PAX7: variants seen among roughly 807,000 people sequenced by gnomAD.
PAX7 encodes paired box protein Pax-7.
A neutral mutation model predicts 50.7 loss-of-function variants in PAX7; 18 were observed. That is an observed-to-expected ratio of 0.36 (90% CI 0.25 to 0.53). The LOEUF (loss-of-function observed/expected upper bound fraction) is 0.53, where lower values mean the gene tolerates loss of function less well. Among genes scored for constraint, PAX7 ranks in the 20% least tolerant of loss-of-function variants. The pLI is 0.93. For synonymous variants in PAX7, 310 were observed against 290.4 expected (o/e 1.07, Z -0.69); for missense variants, 644 against 702.9 (o/e 0.92, Z 0.95).
At chr1:18,682,804 C>T (rs1468296658) in intron 4 of PAX7, among the ~76,000 whole-genome samples, 1 of 152,174 alleles carries the variant, frequency 6.6e-6, no homozygotes, top group East Asian at 1.9e-4. Flanking sequence ...TGCTGCCGGG[C>T]TGTGGGGGCG....
chr1:18,713,577 A>G (rs1310745013), intron 7 of PAX7, among the ~76,000 whole-genome samples: 3 of 152,238 alleles, frequency 2.0e-5, no homozygotes, highest in Admixed American at 2.0e-4. Flanking sequence ...GAGACTCAAG[A>G]AAGAAATATG....
In PAX7 at chr1:18,634,460, C is replaced by T. The variant is rs374125320; in HGVS notation, c.243C>T (p.Gly81=). The change falls in exon 2 of 9, where the codon GGC becomes GGT. Residue 81 remains glycine (G), a synonymous_variant. Coordinates refer to ENST00000420770, the MANE Select transcript of PAX7 (RefSeq NM_001135254.2). This position sits in a 1 kb window ranked among gnomAD's most constrained non-coding sequence, Gnocchi z 4.0. ...CCCGACAGCTGCGTGTCTCCCACGG[C>T]TGCGTCTCCAAGATTCTTTGCCGCT... ...VISRQLRVSH[G]CVSKILCRYQ... 1 of 1,614,088 alleles carries T rather than the reference C, an allele frequency of 6.2e-7. No homozygotes were observed. Among genetic ancestry groups the T allele is most frequent in the African/African-American group, 1.3e-5 (1 of 74,946 alleles).
At chr1:18,730,783 G>T (rs983750538) in intron 7 of PAX7, among the ~76,000 whole-genome samples, 1 of 152,022 alleles carries the variant, frequency 6.6e-6, no homozygotes, top group Non-Finnish European at 1.5e-5. Flanking sequence ...TGGAAGGGGG[G>T]CCCCCACCCC....
chr1:18,714,813 C>T (rs2089398609), intron 7 of PAX7, among the ~76,000 whole-genome samples: 1 of 152,190 alleles, frequency 6.6e-6, no homozygotes, highest in African/African-American at 2.4e-5. Flanking sequence ...CCTAGCAGGC[C>T]CGGGTTTAGC....
At position 18,747,360 on chromosome 1, in the gene PAX7, C is replaced by T. The variant is rs1931486025; in HGVS notation, c.*2431C>T. On this transcript the variant is annotated 3_prime_UTR_variant, in exon 9 of 9. Coordinates refer to ENST00000420770, the MANE Select transcript of PAX7 (RefSeq NM_001135254.2). ...TCATGACGTTGAACATAAGTTCTCC[C>T]AAGCCATCATCTTGGTAGAAAATGG... The T allele has an allele frequency of 8.7e-6, 2 of 228,726 alleles. No individual in the cohort carries two copies. The highest frequency in any genetic ancestry group is 5.7e-5 in the Admixed American group (1 of 17,608). 14.2% of individuals were successfully genotyped at this position (228,726 alleles called of 1,614,324 possible). A position where few individuals can be genotyped will look rare whatever the true frequency, so the allele number is the denominator to read the frequency against.
chr1:18,639,824 G>A (rs891268699), intron 4 of PAX7, among the ~76,000 whole-genome samples: 3 of 152,168 alleles, frequency 2.0e-5, no homozygotes, highest in African/African-American at 7.2e-5. Flanking sequence ...ATCTGACAGT[G>A]CACCAGTTTA....
In PAX7 at chr1:18,747,246, G is replaced by A. The variant is rs534045345; in HGVS notation, c.*2317G>A. 28 of 230,364 alleles carry A rather than the reference G, an allele frequency of 1.2e-4. No homozygotes were observed. The highest frequency in any genetic ancestry group is 1.8e-4 in the Non-Finnish European group (21 of 116,346). 14.3% of individuals were successfully genotyped at this position (230,364 alleles called of 1,614,324 possible). On this transcript the variant is annotated 3_prime_UTR_variant, in exon 9 of 9. Coordinates refer to ENST00000420770, the MANE Select transcript of PAX7 (RefSeq NM_001135254.2). ...CCACCCAGCCCCATCCCCAGGAGGC[G>A]ACATTCCAATGCTAGGACCAATCCC... is the stretch of plus-strand genomic sequence containing the variant.
chr1:18,632,523 T>C lies in PAX7; in HGVS notation c.85+835T>C, dbSNP rs1470073714. Among the ~76,000 whole-genome samples, 2 of 152,078 alleles carry C rather than the reference T, an allele frequency of 1.3e-5. No individual in the cohort carries two copies. The highest frequency in any genetic ancestry group is 2.9e-5 in the Non-Finnish European group (2 of 68,014). On this transcript the variant is annotated intron_variant, in intron 1 of 8. Coordinates refer to ENST00000420770, the MANE Select transcript of PAX7 (RefSeq NM_001135254.2). This position sits in a 1 kb window ranked among gnomAD's most constrained non-coding sequence, Gnocchi z 6.3. ...CACAGCGGAGAGACCCGCTCCTGTG[T>C]TTTTGTTCTGTTTTCTTTTTAAACT...
intron 4 of PAX7, among the ~76,000 whole-genome samples, chr1:18,686,504 C>T (rs572146101): frequency 1.3e-5 from 2 of 152,342 alleles, no homozygotes; most frequent in African/African-American, 4.8e-5. Context: ...TCACTCCCCC[C>T]ACGTCCCCCT....
At chr1:18,722,332 G>GCCAGC (rs896004677) in intron 7 of PAX7, among the ~76,000 whole-genome samples, 1 of 152,024 alleles carries the variant, frequency 6.6e-6, no homozygotes, top group African/African-American at 2.4e-5. Flanking sequence ...AGCCTGCATC[G>GCCAGC]CCAGCGAGAA....
In PAX7 at chr1:18,706,633, C is replaced by A. The variant is rs530239339; in HGVS notation, c.1155+3337C>A. Among the ~76,000 whole-genome samples, 3 of 99,290 alleles carry A rather than the reference C, an allele frequency of 3.0e-5. No individual in the cohort carries two copies. The South Asian group carries it at 1.0e-3, about 33-fold the overall frequency. 65.1% of individuals were successfully genotyped at this position (99,290 alleles called of 152,430 possible). A position where few individuals can be genotyped will look rare whatever the true frequency, so the allele number is the denominator to read the frequency against. On this transcript the variant is annotated intron_variant, in intron 7 of 8. Transcript: ENST00000420770. ...GAGCAGCTGGGATTACAGGCCCCTG[C>A]CGCCACTCCCAACTAATTTTTGTAT...
At position 18,726,904 on chromosome 1, in the gene PAX7, G is replaced by T. The variant is rs2089578786; in HGVS notation, c.1156-8728G>T. ...GCCCCCACCCTGGTCAGAGATGGCAGTCAATGACCCGGTGTTCACCACGTA... is the reference window on the plus strand; with the variant it reads ...GCCCCCACCCTGGTCAGAGATGGCATTCAATGACCCGGTGTTCACCACGTA... On this transcript the variant is annotated intron_variant, in intron 7 of 8. Transcript: ENST00000420770. This position sits in a 1 kb window ranked among gnomAD's most constrained non-coding sequence, Gnocchi z 4.8. 6.6e-6 allele frequency among the ~76,000 whole-genome samples: 1 copy of T among 152,196 alleles called. No homozygotes were observed. The highest frequency in any genetic ancestry group is 2.4e-5 in the African/African-American group (1 of 41,448).
At chr1:18,717,296 G>T (rs1233827430) in intron 7 of PAX7, among the ~76,000 whole-genome samples, 1 of 152,186 alleles carries the variant, frequency 6.6e-6, no homozygotes, top group African/African-American at 2.4e-5. Context: ...GGCCTCGGCC[G>T]TCTCGGGACG....
chr1:18,736,077 G>C, intron 8 of PAX7, 199 bp downstream of exon 8: 1 of 979,406 alleles, frequency 1.0e-6, no homozygotes, highest in South Asian at 1.5e-5. Context: ...GACATCTCCT[G>C]GCTAAGCCTC....
rs1462619299 is a variant in PAX7 at position 18,745,770 on chromosome 1, A to G, written c.*841A>G. On this transcript the variant is annotated 3_prime_UTR_variant, in exon 9 of 9. Transcript: ENST00000420770. ...TGTCCACTCCATCTGGGGCCTGGGG[A>G]GCCCACAGAACTTTTCAGTTTCCTT... 1.3e-5 allele frequency: 3 copies of G among 231,884 alleles called. No individual in the cohort carries two copies. The highest frequency in any genetic ancestry group is 2.6e-5 in the Non-Finnish European group (3 of 117,278). 14.4% of individuals were successfully genotyped at this position (231,884 alleles called of 1,614,324 possible).
At chr1:18,689,645 A>G (rs914074822) in intron 4 of PAX7, among the ~76,000 whole-genome samples, 1 of 152,182 alleles carries the variant, frequency 6.6e-6, no homozygotes, top group Non-Finnish European at 1.5e-5. Flanking sequence ...AAGTGGGCCC[A>G]GGGCAGAGAG....
intron 4 of PAX7, among the ~76,000 whole-genome samples, chr1:18,675,762 G>A (rs2088814178): frequency 1.3e-5 from 2 of 152,162 alleles, no homozygotes; most frequent in South Asian, 2.1e-4. Flanking sequence ...CGACCCCGAT[G>A]TGTTGAGTGA....
At chr1:18,721,855 A>AT (rs201671801) in intron 7 of PAX7, among the ~76,000 whole-genome samples, 6,280 of 152,324 alleles carry the variant, frequency 0.041, 153 homozygotes, top group South Asian at 0.062. Context: ...GAGAGTCATA[A>AT]CTAGGGACAT....
chr1:18,705,508 C>A (rs575857557), intron 7 of PAX7, among the ~76,000 whole-genome samples: 1 of 152,138 alleles, frequency 6.6e-6, no homozygotes, highest in Non-Finnish European at 1.5e-5. Flanking sequence ...GTTGACAATC[C>A]GGCGCACCTG....
Sources: gnomAD v4.1 joint callset for allele counts (sites outside exome capture counted in the v4.1 genomes callset) on GRCh38, gnomAD v4.1.1 for gene constraint, Gnocchi (gnomAD v3.1) non-coding constraint, MANE v1.5 for transcripts, NCBI Gene and HGNC (gene_info 2026-07-23, HGNC 2026-07-21) for gene names.